ZNF106: variants seen among roughly 807,000 people sequenced by gnomAD.
ZNF106 encodes zinc finger protein 106.
A neutral mutation model predicts 195.1 loss-of-function variants in ZNF106; 67 were observed. That is an observed-to-expected ratio of 0.34 (90% CI 0.28 to 0.42). The LOEUF (loss-of-function observed/expected upper bound fraction) is 0.42, where lower values mean the gene tolerates loss of function less well. ZNF106 is among the 10% of genes least tolerant of loss of function. The pLI is 1.00. For missense variants in ZNF106, 2,118 were observed against 2,304.5 expected (o/e 0.92, Z 1.66); for synonymous variants, 784 against 818.6 (o/e 0.96, Z 0.72).
At chr15:42,488,450 C>T (rs1035403794) in intron 1 of ZNF106, among the ~76,000 whole-genome samples, 3 of 151,484 alleles carry the variant, frequency 2.0e-5, no homozygotes, top group African/African-American at 7.3e-5. Context: ...CAAACATGCA[C>T]ACACACACAC....
Position 42,447,402 on chromosome 15 carries a change from A to G in ZNF106, c.3135+670T>C, listed in dbSNP as rs548572536. ...AAATAAATAAATAATGAAGAGAAGA[A>G]CCCATTTTTTTTCACATTGCCAGAT... On this transcript the variant is annotated intron_variant, in intron 6 of 21. Transcript: ENST00000564754. 1.6e-4 allele frequency among the ~76,000 whole-genome samples: 25 copies of G among 152,230 alleles called. No homozygotes were observed. The East Asian group carries it at 4.2e-3, about 26-fold the overall frequency.
chr15:42,463,356 T>C (rs536106656), intron 3 of ZNF106, among the ~76,000 whole-genome samples: 12 of 152,270 alleles, frequency 7.9e-5, no homozygotes, highest in Admixed American at 7.2e-4. Flanking sequence ...TTTCATAGAT[T>C]CTGAATGTTA....
intron 10 of ZNF106, among the ~76,000 whole-genome samples, chr15:42,440,995 AAAAATATATATATATATATATAT>A (rs1437409721): frequency 7.7e-5 from 4 of 52,062 alleles, no homozygotes; most frequent in African/African-American, 5.7e-4. Flanking sequence ...AAAAAAAAAA[AAAAATATATATATATATATATAT>A]ATATATATAT....
In ZNF106 at chr15:42,472,358, C is replaced by T. The variant is rs1054307354; in HGVS notation, c.-32-37G>A. The T allele has an allele frequency of 4.8e-6, 7 of 1,448,660 alleles. No homozygotes were observed. In the South Asian group the frequency reaches 8.8e-5, roughly 18 times the overall value. 89.7% of individuals were successfully genotyped at this position (1,448,660 alleles called of 1,614,324 possible). The stretch of plus-strand genomic sequence containing the variant: ...AAGTAACATTTAGTAACCTTTTCTC[C>T]TCAGTACCTTCTTACATTCATCTTC... On this transcript the variant is annotated intron_variant, in intron 1 of 21. Transcript: ENST00000564754.
In ZNF106 at chr15:42,439,517, C is replaced by T; in HGVS notation, c.4060G>A (p.Asp1354Asn). Reference sequence around the variant, plus strand: ...GATTCTGCCTGTTGTTCAGGCTGGTCAGCTGGAGAGTGGGGTTCCTTCTCC... The same window carrying T: ...GATTCTGCCTGTTGTTCAGGCTGGTTAGCTGGAGAGTGGGGTTCCTTCTCC... ...PLEKEPHSPADQPEQQAESTL... is the reference protein window; with the variant it reads ...PLEKEPHSPANQPEQQAESTL... Residue 1354 changes from aspartate (D) to asparagine (N), a missense_variant, in exon 11 of 22, where the codon GAC becomes AAC. Coordinates refer to ENST00000564754, the MANE Select transcript of ZNF106 (RefSeq NM_001366845.3). The T allele has an allele frequency of 6.2e-7, 1 of 1,614,190 alleles. No individual in the cohort carries two copies. The highest frequency in any genetic ancestry group is 8.5e-7 in the Non-Finnish European group (1 of 1,180,034).
chr15:42,445,331 CA>C (rs1165749135), intron 7 of ZNF106, among the ~76,000 whole-genome samples: 4 of 152,214 alleles, frequency 2.6e-5, no homozygotes, highest in African/African-American at 9.7e-5. Flanking sequence ...ACTGTCTTCA[CA>C]CAGGACTTTT....
At chr15:42,423,020 C>G (rs2054725253) in intron 17 of ZNF106, among the ~76,000 whole-genome samples, 1 of 152,054 alleles carries the variant, frequency 6.6e-6, no homozygotes, top group South Asian at 2.1e-4. Flanking sequence ...AAAGCTGCCT[C>G]TATGACCTGA....
At chr15:42,466,196 A>C (rs2056513048) in intron 2 of ZNF106, 82 bp from the exon 3 acceptor site, 9 of 1,114,356 alleles carry the variant, frequency 8.1e-6, no homozygotes, top group Non-Finnish European at 1.1e-5. Flanking sequence ...CTCAATCAAA[A>C]ATTGGGGCTC....
At chr15:42,434,262 G>A (rs1239493408) in intron 14 of ZNF106, among the ~76,000 whole-genome samples, 1 of 152,168 alleles carries the variant, frequency 6.6e-6, no homozygotes, top group Admixed American at 6.5e-5. Flanking sequence ...CAAGGTGGGA[G>A]GACTGCCTGA....
chr15:42,486,704 C>T (rs1469272616), intron 1 of ZNF106, among the ~76,000 whole-genome samples: 1 of 152,026 alleles, frequency 6.6e-6, no homozygotes, highest in African/African-American at 2.4e-5. Flanking sequence ...ATCAATTAAC[C>T]TGTGGCAAAA....
chr15:42,484,652 T>C (rs1169611231), intron 1 of ZNF106, among the ~76,000 whole-genome samples: 2 of 152,154 alleles, frequency 1.3e-5, no homozygotes, highest in African/African-American at 4.8e-5. Flanking sequence ...GCACGAGAAT[T>C]GCTTGAACCT....
At chr15:42,461,513 G>A (rs569315764) in intron 3 of ZNF106, among the ~76,000 whole-genome samples, 5 of 152,314 alleles carry the variant, frequency 3.3e-5, no homozygotes, top group African/African-American at 1.2e-4. Context: ...AACAGCTGCT[G>A]AATAAATAAA....
intron 3 of ZNF106, among the ~76,000 whole-genome samples, chr15:42,461,183 C>T (rs1030263072): frequency 1.3e-5 from 2 of 152,178 alleles, no homozygotes; most frequent in African/African-American, 4.8e-5. Flanking sequence ...GGCATTCATG[C>T]TTCAACATAG....
In ZNF106 at chr15:42,487,490, C is replaced by CAAAAAA. The variant is rs961444853; in HGVS notation, c.-33+3484_-33+3489dup. On this transcript the variant is annotated intron_variant, in intron 1 of 21. Coordinates refer to ENST00000564754, the MANE Select transcript of ZNF106 (RefSeq NM_001366845.3). ...TAGGTGACTGAGCAAGACCCTGTCT[C>CAAAAAA]AAAAAAAAAAAAAAAAAAAAAAAAG... Among the ~76,000 whole-genome samples the CAAAAAA allele has an allele frequency of 1.8e-4, 8 of 44,720 alleles. 2 individuals carry two copies. The highest frequency in any genetic ancestry group is 5.3e-4 in the African/African-American group (6 of 11,346). The allele number at this position is 44,720 out of a possible 152,430, so 29.3% of individuals were successfully genotyped here.
At chr15:42,476,486 C>A (rs1045318059) in intron 1 of ZNF106, among the ~76,000 whole-genome samples, 1 of 152,152 alleles carries the variant, frequency 6.6e-6, no homozygotes, top group African/African-American at 2.4e-5. Flanking sequence ...ACTTTAGTCA[C>A]CTTACACTGG....
chr15:42,445,094 A>C (rs2055719412), intron 7 of ZNF106, 113 bp from the exon 8 acceptor site: 1 of 1,260,324 alleles, frequency 7.9e-7, no homozygotes. Flanking sequence ...TGTTCTCCTC[A>C]GTAGGTCATT....
Position 42,417,017 on chromosome 15 carries a change from A to G in ZNF106, c.*287T>C, listed in dbSNP as rs906111290. 2 of 288,442 alleles carry G rather than the reference A, an allele frequency of 6.9e-6. No homozygotes were observed. The highest frequency in any genetic ancestry group is 4.9e-5 in the Admixed American group (1 of 20,242). 17.9% of individuals were successfully genotyped at this position (288,442 alleles called of 1,614,324 possible). A position where few individuals can be genotyped will look rare whatever the true frequency, so the allele number is the denominator to read the frequency against. ...TAACCAATTAGGATCTGTATCTTCA[A>G]TAAACATCTGGAGAACGCAAATAGC... On this transcript the variant is annotated 3_prime_UTR_variant, in exon 22 of 22. Coordinates refer to ENST00000564754, the MANE Select transcript of ZNF106 (RefSeq NM_001366845.3).
chr15:42,439,487 A>T lies in ZNF106; in HGVS notation c.4090T>A (p.Leu1364Met). Residue 1364 changes from leucine to methionine, a missense_variant, in exon 11 of 22, where the codon TTG (leucine) becomes ATG (methionine). Leu to Met is a conservative substitution (Grantham distance 15). Transcript: ENST00000564754. ...DQPEQQAEST[L>M]TSAETRGSKK... ...CTTCCCCTAGTCTCAGCTGATGTCA[A>T]AGTGGATTCTGCCTGTTGTTCAGGC... The T allele has an allele frequency of 6.2e-7, 1 of 1,614,038 alleles. No homozygotes were observed. The highest frequency in any genetic ancestry group is 8.5e-7 in the Non-Finnish European group (1 of 1,180,002).
intron 3 of ZNF106, among the ~76,000 whole-genome samples, chr15:42,457,978 A>C (rs1221985610): frequency 6.6e-6 from 1 of 152,206 alleles, no homozygotes; most frequent in Non-Finnish European, 1.5e-5. Flanking sequence ...GCCAGTCTTG[A>C]ATCAGTGTCC....
Sources: gnomAD v4.1 joint callset for allele counts (sites outside exome capture counted in the v4.1 genomes callset) on GRCh38, gnomAD v4.1.1 for gene constraint, MANE v1.5 for transcripts, NCBI Gene and HGNC (gene_info 2026-07-23, HGNC 2026-07-21) for gene names.